Variants in PLAC1 observed in about 807,000 individuals in gnomAD.
PLAC1 encodes the protein placenta-specific protein 1.
For missense variants in PLAC1, 136 were observed against 163.2 expected (o/e 0.83, Z 0.91); for synonymous variants, 68 against 62.1 (o/e 1.09, Z -0.44).
intron 1 of PLAC1, among the ~76,000 whole-genome samples, chrX:134,617,821 C>A (rs1193541244): frequency 8.9e-6 from 1 of 112,174 alleles, no homozygotes; most frequent in African/African-American, 3.2e-5. Flanking sequence ...AAAACGAATA[C>A]CCAATAAACA....
intron 1 of PLAC1, among the ~76,000 whole-genome samples, chrX:134,740,698 C>T (rs989376897): frequency 3.6e-5 from 4 of 111,487 alleles, no homozygotes; most frequent in Non-Finnish European, 7.5e-5. Flanking sequence ...TCTGAGTGGG[C>T]CCTAAAGCCA....
rs1295380078 is a variant in PLAC1, at chrX:134,686,972, A to C, written n.174+46463T>G. ...CTTTCAAGAGACTTGCAATCTAACA[A>C]GGGGTAAATGCAAATCATAAAGCTT... On this transcript the variant is annotated intron_variant and non_coding_transcript_variant, in intron 2 of 2. Transcript: ENST00000466797. 3.6e-5 allele frequency among the ~76,000 whole-genome samples: 4 copies of C among 111,890 alleles called. No individual in the cohort carries two copies. In the Admixed American group the frequency reaches 3.8e-4, roughly 11 times the overall value.
chrX:134,649,728 G>T (rs2078353052), intron 1 of PLAC1, among the ~76,000 whole-genome samples: 1 of 112,253 alleles, frequency 8.9e-6, no homozygotes, highest in Admixed American at 9.4e-5. Context: ...CCTAGCCTAG[G>T]CAAACATGTG....
chrX:134,608,300 G>A (rs965796823), intron 1 of PLAC1, among the ~76,000 whole-genome samples: 14 of 111,998 alleles, frequency 1.3e-4, no homozygotes, highest in African/African-American at 4.2e-4. Context: ...GCTGATGAAC[G>A]GACAAGCAAA....
chrX:134,639,049 T>C (rs1310383544), intron 1 of PLAC1, among the ~76,000 whole-genome samples: 1 of 112,007 alleles, frequency 8.9e-6, no homozygotes, highest in Non-Finnish European at 1.9e-5. Flanking sequence ...TGGTTTCCTG[T>C]GCCTGTGTTA....
intron 2 of PLAC1, among the ~76,000 whole-genome samples, chrX:134,697,141 C>T (rs933227838): frequency 1.8e-5 from 2 of 111,354 alleles, no homozygotes; most frequent in African/African-American, 6.5e-5. Flanking sequence ...TCCTAGTTCA[C>T]CTTTTCTGCC....
intron 1 of PLAC1, among the ~76,000 whole-genome samples, chrX:134,613,982 C>T (rs771017367): frequency 2.7e-5 from 3 of 110,544 alleles, no homozygotes; most frequent in African/African-American, 6.6e-5. Flanking sequence ...AGCGACCCCC[C>T]GGCTGACCAC....
intron 1 of PLAC1, among the ~76,000 whole-genome samples, chrX:134,604,818 G>A (rs2078114738): frequency 9.0e-6 from 1 of 111,413 alleles, no homozygotes; most frequent in Non-Finnish European, 1.9e-5. Context: ...TTCTTCCTTA[G>A]TGGAAACAAC....
chrX:134,750,014 C>A (rs1414695383), intron 1 of PLAC1, among the ~76,000 whole-genome samples: 2 of 111,056 alleles, frequency 1.8e-5, no homozygotes, highest in Non-Finnish European at 3.8e-5. Flanking sequence ...CCCTAACCTG[C>A]CTAGTGAGAT....
intron 2 of PLAC1, among the ~76,000 whole-genome samples, chrX:134,577,311 C>T (rs2077944531): frequency 9.0e-6 from 1 of 111,703 alleles, no homozygotes; most frequent in African/African-American, 3.3e-5. Flanking sequence ...CTCTTTGTTC[C>T]CTGTAGGCAT....
Position 134,598,552 on chromosome X carries a change from C to G in PLAC1, c.-59+3499G>C, listed in dbSNP as rs774703651. Among the ~76,000 whole-genome samples the G allele has an allele frequency of 8.0e-5, 9 of 112,254 alleles. No homozygotes were observed. The South Asian group carries it at 3.3e-3, about 42-fold the overall frequency. ...AATGCTGCTGAGCACATGCTAATTGCCCCTGAATGACAAGTGCTAAACTAA... is the reference window on the plus strand; with the variant it reads ...AATGCTGCTGAGCACATGCTAATTGGCCCTGAATGACAAGTGCTAAACTAA... On this transcript the variant is annotated intron_variant, in intron 2 of 2. Transcript: ENST00000359237.
upstream of PLAC1, among the ~76,000 whole-genome samples, chrX:134,658,783 T>G (rs984992874): frequency 1.2e-4 from 13 of 111,956 alleles, no homozygotes; most frequent in African/African-American, 3.9e-4. Context: ...TGGTGGTAAT[T>G]CTTAGAGAAA....
intron 2 of PLAC1, among the ~76,000 whole-genome samples, chrX:134,589,924 G>C (rs772139376): frequency 1.8e-5 from 2 of 110,567 alleles, no homozygotes; most frequent in Non-Finnish European, 3.8e-5. Context: ...GGCCGGGCGC[G>C]GTGGCTCACG....
chrX:134,619,552 G>A (rs185404211), intron 1 of PLAC1, among the ~76,000 whole-genome samples: 111 of 109,448 alleles, frequency 1.0e-3, no homozygotes, highest in Middle Eastern at 4.6e-3. Flanking sequence ...TTGGGAGGCT[G>A]AGGCAGGAGA....
intron 1 of PLAC1, among the ~76,000 whole-genome samples, chrX:134,654,220 G>T (rs5933440): frequency 3.6e-5 from 4 of 111,818 alleles, no homozygotes; most frequent in Non-Finnish European, 7.5e-5. Flanking sequence ...TCTATTCTCA[G>T]GCCTTTAACT....
intron 2 of PLAC1, among the ~76,000 whole-genome samples, chrX:134,690,817 C>G: frequency 9.6e-6 from 1 of 103,843 alleles, no homozygotes; most frequent in Non-Finnish European, 2.0e-5. Context: ...TGGCACACAC[C>G]TTTAGTCCCA....
intron 2 of PLAC1, among the ~76,000 whole-genome samples, chrX:134,666,706 C>A (rs2078438614): frequency 8.9e-6 from 1 of 111,930 alleles, no homozygotes; most frequent in African/African-American, 3.2e-5. Context: ...GTCATTAGAC[C>A]TAATGTTGGT....
intron 2 of PLAC1, among the ~76,000 whole-genome samples, chrX:134,676,068 A>G (rs755049835): frequency 2.6e-4 from 29 of 112,377 alleles, no homozygotes; most frequent in Non-Finnish European, 4.1e-4. Flanking sequence ...CAGTTGCTCA[A>G]TGAAAAGTAA....
At chrX:134,675,414 C>T (rs2078470102) in intron 2 of PLAC1, among the ~76,000 whole-genome samples, 2 of 112,244 alleles carry the variant, frequency 1.8e-5, no homozygotes, top group African/African-American at 6.5e-5. Context: ...GCCTGTAATC[C>T]CAGCATTTCG....
Sources: gnomAD v4.1 joint callset for allele counts (sites outside exome capture counted in the v4.1 genomes callset) on GRCh38, gnomAD v4.1.1 for gene constraint, MANE v1.5 for transcripts, NCBI Gene and HGNC (gene_info 2026-07-23, HGNC 2026-07-21) for gene names.